The following DMD variants were observed in gnomAD, a reference collection of about 807,000 sequenced individuals.
DMD encodes the protein dystrophin.
DMD carries 63 observed loss-of-function variants against 330.1 expected under a neutral mutation model. That is an observed-to-expected ratio of 0.19 (90% CI 0.16 to 0.24). DMD has a LOEUF of 0.24. Ranked by LOEUF, DMD falls within the 10% of genes least tolerant of loss-of-function variation. The pLI is 1.00. For missense variants in DMD, 3,344 were observed against 2,684.1 expected, an observed-to-expected ratio of 1.25 and a Z score of -5.43; for synonymous variants, 1,223 against 959.8, an observed-to-expected ratio of 1.27 and a Z score of -5.07.
At chrX:31,302,978 A>T (rs2054761356) in intron 62 of DMD, among the ~76,000 whole-genome samples, 1 of 111,852 alleles carries the variant, frequency 8.9e-6, no homozygotes, top group Non-Finnish European at 1.9e-5. Context: ...AATGCTCAGA[A>T]TTAACATTTT....
intron 45 of DMD, among the ~76,000 whole-genome samples, chrX:31,940,778 T>C (rs2094987443): frequency 1.8e-5 from 2 of 109,859 alleles, no homozygotes; most frequent in South Asian, 3.9e-4. Flanking sequence ...AAGAACGCCC[T>C]AAGCAGAGAA....
At chrX:31,951,130 T>TATAC (rs1557025321) in intron 45 of DMD, among the ~76,000 whole-genome samples, 90 of 77,744 alleles carry the variant, frequency 1.2e-3, no homozygotes, top group Non-Finnish European at 1.3e-3. Context: ...TACATATATA[T>TATAC]ATATATATAT....
intron 7 of DMD, among the ~76,000 whole-genome samples, chrX:32,710,941 A>G (rs1407226635): frequency 1.7e-4 from 19 of 111,472 alleles, no homozygotes; most frequent in Non-Finnish European, 3.4e-4. Context: ...ACAAAAACCT[A>G]GGATGGTATA....
intron 1 of DMD, among the ~76,000 whole-genome samples, chrX:33,108,152 T>A (rs1261840136): frequency 1.2e-5 from 1 of 86,781 alleles, no homozygotes. Context: ...TTTTAGTGCA[T>A]TTAATCCCTA....
intron 63 of DMD, among the ~76,000 whole-genome samples, chrX:31,240,305 G>A (rs1362854382): frequency 8.9e-6 from 1 of 111,941 alleles, no homozygotes; most frequent in African/African-American, 3.2e-5. Flanking sequence ...ATATTTTTAT[G>A]TGTATGTTTG....
At chrX:32,227,132 T>A (rs1161998096) in intron 43 of DMD, among the ~76,000 whole-genome samples, 2 of 103,890 alleles carry the variant, frequency 1.9e-5, no homozygotes, top group Non-Finnish European at 3.9e-5. Flanking sequence ...TAGCATTATT[T>A]AAAAACAGAT....
intron 52 of DMD, among the ~76,000 whole-genome samples, chrX:31,697,972 G>GA (rs1260024744): frequency 4.5e-5 from 5 of 111,942 alleles, no homozygotes; most frequent in Admixed American, 9.5e-5. Context: ...CAGAACCACA[G>GA]AATTATTGTG....
intron 1 of DMD, among the ~76,000 whole-genome samples, chrX:33,146,825 C>CTT (rs201870628): frequency 8.7e-4 from 93 of 106,879 alleles, no homozygotes; most frequent in African/African-American, 3.1e-3. Context: ...ATTAATAAAT[C>CTT]TTTTTTTTTT....
chrX:32,152,676 A>T (rs1186946114), intron 44 of DMD, among the ~76,000 whole-genome samples: 2 of 111,914 alleles, frequency 1.8e-5, no homozygotes, highest in African/African-American at 3.2e-5. Context: ...TTAAGATCAT[A>T]AAAACTACTG....
chrX:31,612,868 G>A (rs777099367), intron 55 of DMD, among the ~76,000 whole-genome samples: 1 of 112,152 alleles, frequency 8.9e-6, no homozygotes, highest in East Asian at 2.8e-4. Flanking sequence ...AGTCAGAAGG[G>A]AAGTTATTTA....
At chrX:32,819,667 G>A (rs1033700839) in intron 5 of DMD, among the ~76,000 whole-genome samples, 1 of 110,268 alleles carries the variant, frequency 9.1e-6, no homozygotes, top group Admixed American at 9.8e-5. Context: ...GTCCTCCATG[G>A]CACTATTAAT....
chrX:32,720,009 TTAAAG>T (rs769870656), intron 7 of DMD, among the ~76,000 whole-genome samples: 9 of 110,260 alleles, frequency 8.2e-5, no homozygotes, highest in Non-Finnish European at 1.3e-4. Context: ...CGTTTTAATA[TTAAAG>T]TAAATTAAAT....
chrX:31,906,041 G>A (rs182334445), intron 47 of DMD, among the ~76,000 whole-genome samples: 22 of 111,783 alleles, frequency 2.0e-4, no homozygotes, highest in East Asian at 5.7e-4. Flanking sequence ...ACCCCCACAC[G>A]TCCTGGGAGG....
At chrX:33,269,636 C>T (rs1162637987) in intron 1 of DMD, among the ~76,000 whole-genome samples, 2 of 111,757 alleles carry the variant, frequency 1.8e-5, no homozygotes, top group Non-Finnish European at 3.8e-5. Flanking sequence ...TCATTATTCG[C>T]TCACTACAAT....
chrX:32,806,883 C>A (rs1680078654), intron 7 of DMD, among the ~76,000 whole-genome samples: 1 of 110,003 alleles, frequency 9.1e-6, no homozygotes, highest in Non-Finnish European at 1.9e-5. Context: ...TAAAGAAGTT[C>A]TTTGAAACCA....
At chrX:32,517,702 T>C (rs766001790) in intron 18 of DMD, 1 of 373,324 alleles carries the variant, frequency 2.7e-6, no homozygotes, top group African/African-American at 2.5e-5. Context: ...TTGAGGTAAC[T>C]GAACAATATA....
chrX:31,369,317 C>T (rs1420594624), intron 60 of DMD, among the ~76,000 whole-genome samples: 2 of 111,447 alleles, frequency 1.8e-5, no homozygotes, highest in Non-Finnish European at 3.8e-5. Context: ...TTACTATAGG[C>T]GCATTGTGGA....
chrX:32,831,096 A>G (rs2079114996), intron 4 of DMD, among the ~76,000 whole-genome samples: 1 of 110,857 alleles, frequency 9.0e-6, no homozygotes, highest in African/African-American at 3.3e-5. Flanking sequence ...ATTAATATAT[A>G]ATCATTTCAG....
At chrX:31,822,613 G>C (rs903873372) in intron 49 of DMD, among the ~76,000 whole-genome samples, 1 of 99,680 alleles carries the variant, frequency 1.0e-5, no homozygotes, top group East Asian at 3.3e-4. Flanking sequence ...GAAGTGGTCA[G>C]CTGGACTGAA....
Sources: allele counts gnomAD v4.1 joint callset (sites outside exome capture counted in the v4.1 genomes callset), GRCh38; gene constraint gnomAD v4.1.1; transcripts MANE v1.5; gene names NCBI Gene and HGNC (gene_info 2026-07-23, HGNC 2026-07-21).